The following SBF2 variants were observed in gnomAD, a reference collection of about 807,000 sequenced individuals.
SBF2 encodes myotubularin-related protein 13.
Under a neutral mutation model 225.2 loss-of-function variants are expected in SBF2, and 112 were observed. That is an observed-to-expected ratio of 0.50 (90% CI 0.43 to 0.58). The LOEUF (loss-of-function observed/expected upper bound fraction) is 0.58. SBF2 is among the 20% of genes least tolerant of loss of function. The pLI is 0.00. For missense variants in SBF2, 1,996 were observed against 2,206.2 expected (o/e 0.90, Z 1.91); for synonymous variants, 763 against 773.3 (o/e 0.99, Z 0.22).
At chr11:10,172,143 G>A (rs991311193) in intron 2 of SBF2, among the ~76,000 whole-genome samples, 21 of 151,812 alleles carry the variant, frequency 1.4e-4, no homozygotes, top group Non-Finnish European at 2.4e-4. Flanking sequence ...TTTCTGCTCC[G>A]ATCTTTATTA....
intron 6 of SBF2, among the ~76,000 whole-genome samples, chr11:10,022,060 C>T (rs889251740): frequency 2.6e-5 from 4 of 151,976 alleles, no homozygotes; most frequent in Admixed American, 6.6e-5. Context: ...TTATGTATTC[C>T]GGCACACTTC....
At chr11:10,166,989 A>ACACACACACACACACACACAC (rs34539770) in intron 2 of SBF2, among the ~76,000 whole-genome samples, 13 of 151,472 alleles carry the variant, frequency 8.6e-5, no homozygotes, top group East Asian at 3.9e-4. Context: ...ACACACACAC[A>ACACACACACACACACACACAC]AAAAGGCTAC....
intron 1 of SBF2, among the ~76,000 whole-genome samples, chr11:10,244,126 T>C (rs1352472867): frequency 6.6e-6 from 1 of 152,184 alleles, no homozygotes; most frequent in African/African-American, 2.4e-5. Context: ...CATAGGCCAA[T>C]ATACATAACT....
At chr11:10,239,058 A>ATATGTT (rs1476775346) in intron 1 of SBF2, among the ~76,000 whole-genome samples, 1 of 150,878 alleles carries the variant, frequency 6.6e-6, no homozygotes, top group African/African-American at 2.4e-5. Context: ...ATACACACAT[A>ATATGTT]TATGTTTATG....
intron 1 of SBF2, among the ~76,000 whole-genome samples, chr11:10,278,788 T>TA (rs11370521): frequency 0.042 from 5,300 of 124,942 alleles, 211 homozygotes; most frequent in African/African-American, 0.11. Flanking sequence ...TCCATCTCAA[T>TA]AAAAAAAAAA....
chr11:10,265,745 G>A (rs945468837), intron 1 of SBF2, among the ~76,000 whole-genome samples: 8 of 152,048 alleles, frequency 5.3e-5, no homozygotes, highest in African/African-American at 1.9e-4. Flanking sequence ...AGTACAAGTG[G>A]TGCAATCATG....
chr11:10,074,343 G>C (rs1054493804), intron 2 of SBF2, among the ~76,000 whole-genome samples: 1 of 152,130 alleles, frequency 6.6e-6, no homozygotes, highest in African/African-American at 2.4e-5. Flanking sequence ...CAAAAACATA[G>C]ATGTTGAACA....
At chr11:10,022,951 G>A (rs1948916196) in intron 6 of SBF2, among the ~76,000 whole-genome samples, 1 of 152,104 alleles carries the variant, frequency 6.6e-6, no homozygotes, top group South Asian at 2.1e-4. Flanking sequence ...AAAACAATAA[G>A]TAGTGTTTGG....
chr11:9,815,431 G>A (rs1308263858), intron 29 of SBF2, among the ~76,000 whole-genome samples: 5 of 149,778 alleles, frequency 3.3e-5, no homozygotes, highest in Non-Finnish European at 5.9e-5. Context: ...CCAGCCTAGC[G>A]ACAGAGTGAG....
chr11:9,970,689 T>C (rs1404842877), intron 13 of SBF2, among the ~76,000 whole-genome samples: 1 of 152,220 alleles, frequency 6.6e-6, no homozygotes, highest in Non-Finnish European at 1.5e-5. Flanking sequence ...GTCCTTATTA[T>C]GTGATGCAGG....
chr11:10,090,764 C>CAAAAAAAAAAAAAAAAAA lies in SBF2; in HGVS notation c.142-47801_142-47784dup, dbSNP rs201577494. 3.2e-4 allele frequency among the ~76,000 whole-genome samples: 14 copies of CAAAAAAAAAAAAAAAAAA among 44,414 alleles called. 1 individual carries two copies. The highest frequency in any genetic ancestry group is 8.2e-4 in the South Asian group (1 of 1,222). 29.1% of individuals were successfully genotyped at this position (44,414 alleles called of 152,430 possible). A position where few individuals can be genotyped will look rare whatever the true frequency, so the allele number is the denominator to read the frequency against. On this transcript the variant is annotated intron_variant, in intron 2 of 39. Coordinates refer to ENST00000256190, the MANE Select transcript of SBF2 (RefSeq NM_030962.4). ...TGGGAGTCAGAGCAAGATTCCATCT[C>CAAAAAAAAAAAAAAAAAA]AAAAAAAAAAAAAAAAAAAAAGCTA... is the stretch of plus-strand genomic sequence containing the variant.
intron 2 of SBF2, among the ~76,000 whole-genome samples, chr11:10,174,266 A>C (rs1565317363): frequency 1.3e-5 from 2 of 152,192 alleles, no homozygotes; most frequent in Non-Finnish European, 2.9e-5. Context: ...ACTGTGAAAA[A>C]AGTTTAGAAG....
intron 16 of SBF2, among the ~76,000 whole-genome samples, chr11:9,944,077 T>C (rs1252855656): frequency 6.6e-6 from 1 of 152,230 alleles, no homozygotes; most frequent in Admixed American, 6.5e-5. Context: ...TATCATAAGC[T>C]GCTGCTCAAT....
chr11:9,850,018 C>A lies in SBF2; in HGVS notation c.2806+5G>T. On this transcript the variant is annotated splice_donor_5th_base_variant and intron_variant, in intron 22 of 39. Coordinates refer to ENST00000256190, the MANE Select transcript of SBF2 (RefSeq NM_030962.4). ...CCCATGTTCTGATGGCATATCGAGT[C>A]ATACCTAACTGATCATGGGGTGTTC... The A allele has an allele frequency of 2.5e-6, 4 of 1,613,218 alleles. No individual in the cohort carries two copies. In the South Asian group the frequency reaches 4.4e-5, roughly 18 times the overall value.
chr11:9,933,142 C>G (rs1864623994), intron 16 of SBF2, among the ~76,000 whole-genome samples: 1 of 152,046 alleles, frequency 6.6e-6, no homozygotes. Context: ...AATACAGGAG[C>G]ACCCAGATTC....
chr11:9,856,601 T>C lies in SBF2; in HGVS notation c.2220A>G (p.Glu740=), dbSNP rs1421778398. The C allele has an allele frequency of 3.1e-6, 5 of 1,614,142 alleles. No homozygotes were observed. Residue 740 remains glutamate (E), a synonymous_variant, in exon 19 of 40, where the codon GAA becomes GAG. Transcript: ENST00000256190. ...STQQELVQHE[E]STVFSQAIHF... is the part of the protein sequence containing the mutation. Reference sequence around the variant, plus strand: ...GAATGGCCTGACTAAAGACAGTGCTTTCCTCATGTTGCACTAGCTCTTGCT... The same window carrying C: ...GAATGGCCTGACTAAAGACAGTGCTCTCCTCATGTTGCACTAGCTCTTGCT...
At chr11:9,976,038 T>C (rs545789538) in intron 13 of SBF2, among the ~76,000 whole-genome samples, 14 of 151,914 alleles carry the variant, frequency 9.2e-5, no homozygotes, top group Non-Finnish European at 1.8e-4. Context: ...TAAGGCACAA[T>C]TATAAATCTC....
At chr11:10,042,800 T>A in intron 3 of SBF2, 44 bp downstream of exon 3, 1 of 1,605,228 alleles carries the variant, frequency 6.2e-7, no homozygotes, top group Non-Finnish European at 8.5e-7. Flanking sequence ...CATTCCTAAA[T>A]GTTGTACCTT....
At chr11:9,989,446 A>C (rs1385682641) in intron 13 of SBF2, 51 bp downstream of exon 13, 1 of 1,155,780 alleles carries the variant, frequency 8.7e-7, no homozygotes, top group Admixed American at 1.9e-5. Flanking sequence ...TTACGGAAAA[A>C]TAAATAAATA....
Sources: allele counts gnomAD v4.1 joint callset (sites outside exome capture counted in the v4.1 genomes callset), GRCh38; gene constraint gnomAD v4.1.1; transcripts MANE v1.5; gene names NCBI Gene and HGNC (gene_info 2026-07-23, HGNC 2026-07-21).